Variants in PATJ observed in about 807,000 individuals in gnomAD.
PATJ encodes inaD-like protein.
Under a neutral mutation model 224.9 loss-of-function variants are expected in PATJ, and 190 were observed. The ratio of observed to expected loss-of-function variants is 0.84; its 90% CI spans 0.75 to 0.95. The LOEUF is 0.95. PATJ is among the 40% of genes least tolerant of loss of function. The pLI is 0.00. For missense variants in PATJ, 2,121 were observed against 2,270.3 expected (o/e 0.93, Z 1.34); for synonymous variants, 769 against 820.3 (o/e 0.94, Z 1.07).
intron 14 of PATJ, among the ~76,000 whole-genome samples, chr1:61,817,167 G>A (rs543178359): frequency 1.3e-5 from 2 of 152,248 alleles, no homozygotes; most frequent in South Asian, 2.1e-4. Context: ...CATAGGTAGG[G>A]GGAGAAAGCC....
intron 13 of PATJ, among the ~76,000 whole-genome samples, chr1:61,805,930 A>G (rs1048387885): frequency 2.6e-5 from 4 of 152,244 alleles, no homozygotes; most frequent in Admixed American, 2.0e-4. Flanking sequence ...TATTAGTCCT[A>G]TGTTTCACAA....
intron 24 of PATJ, among the ~76,000 whole-genome samples, chr1:61,902,610 T>G (rs1055109270): frequency 6.6e-6 from 1 of 152,214 alleles, no homozygotes; most frequent in African/African-American, 2.4e-5. Context: ...TGTTGAGTTA[T>G]ATTTGTGCTG....
intron 40 of PATJ, among the ~76,000 whole-genome samples, 191 bp from the exon 41 acceptor site, chr1:62,128,650 C>G (rs531194096): frequency 6.6e-6 from 1 of 152,310 alleles, no homozygotes; most frequent in South Asian, 2.1e-4. Context: ...CTTCTTGTTG[C>G]TCTGATTTGT....
chr1:62,051,759 A>C (rs926178269), intron 31 of PATJ, among the ~76,000 whole-genome samples: 1 of 152,232 alleles, frequency 6.6e-6, no homozygotes, highest in Non-Finnish European at 1.5e-5. Flanking sequence ...ACTTAAACTT[A>C]TCCAGGGGCT....
intron 21 of PATJ, among the ~76,000 whole-genome samples, chr1:61,883,890 T>C (rs927593205): frequency 6.7e-6 from 1 of 150,294 alleles, no homozygotes; most frequent in Non-Finnish European, 1.5e-5. Context: ...ATCAGTGAAA[T>C]GTCAGAGTAC....
chr1:61,980,288 A>G (rs1272619195), intron 27 of PATJ, among the ~76,000 whole-genome samples: 1 of 152,072 alleles, frequency 6.6e-6, no homozygotes, highest in Non-Finnish European at 1.5e-5. Flanking sequence ...CTGTGTCAAA[A>G]AAAATAAAAA....
In PATJ at chr1:61,864,578, G is replaced by T. The variant is rs776123818; in HGVS notation, c.2780G>T (p.Gly927Val). ...TCCGAGTCTCAAGAGGCAAGAACCG[G>T]GAGGACTGTCTATTCCCAGGAGGCA... ...EPSESQEART[G>V]RTVYSQEAQP... is the part of the protein sequence containing the mutation. The change falls in exon 20 of 44, where the codon GGG becomes GTG. Residue 927 changes from glycine to valine, a missense_variant. Transcript: ENST00000642238. 6.2e-7 allele frequency: 1 copy of T among 1,610,616 alleles called. No individual in the cohort carries two copies. Among genetic ancestry groups the T allele is most frequent in the South Asian group, 1.1e-5 (1 of 91,076 alleles).
intron 28 of PATJ, among the ~76,000 whole-genome samples, chr1:61,992,141 G>A (rs1645103836): frequency 1.3e-5 from 2 of 148,498 alleles, no homozygotes; most frequent in South Asian, 4.3e-4. Context: ...TTTTGAGACG[G>A]AGTTTCACTC....
At chr1:62,152,893 C>A (rs1208811504) in intron 42 of PATJ, among the ~76,000 whole-genome samples, 1 of 152,004 alleles carries the variant, frequency 6.6e-6, no homozygotes, top group Non-Finnish European at 1.5e-5. Flanking sequence ...AATCCCAGCA[C>A]TTTGGGAGGT....
intron 1 of PATJ, among the ~76,000 whole-genome samples, chr1:61,757,080 C>CTTTTTTTTTTTT (rs55788991): frequency 2.3e-5 from 3 of 129,190 alleles, no homozygotes; most frequent in Non-Finnish European, 3.2e-5. Flanking sequence ...GTCACTTTTA[C>CTTTTTTTTTTTT]TTTTTTTTTT....
chr1:61,947,514 G>A (rs1199785790), intron 27 of PATJ, among the ~76,000 whole-genome samples: 1 of 152,140 alleles, frequency 6.6e-6, no homozygotes, highest in African/African-American at 2.4e-5. Flanking sequence ...CAAGGGATGT[G>A]AAGGACCTCT....
intron 8 of PATJ, among the ~76,000 whole-genome samples, chr1:61,788,317 C>T (rs904233166): frequency 4.6e-5 from 7 of 152,106 alleles, no homozygotes; most frequent in Admixed American, 1.3e-4. Flanking sequence ...CACTGGTAGC[C>T]ACAGGCTGGT....
chr1:61,763,006 A>T lies in PATJ; in HGVS notation c.23-7A>T. The T allele has an allele frequency of 6.2e-7, 1 of 1,604,090 alleles. No homozygotes were observed. The highest frequency in any genetic ancestry group is 1.1e-5 in the South Asian group (1 of 89,396). ...ACTATTACTCTACTTATTCATCTTGACCCAAGATAAACTGCAGGTGCTGCA... is the reference window on the plus strand; with the variant it reads ...ACTATTACTCTACTTATTCATCTTGTCCCAAGATAAACTGCAGGTGCTGCA... On this transcript the variant is annotated splice_region_variant and splice_polypyrimidine_tract_variant and intron_variant, in intron 2 of 43. Coordinates refer to ENST00000642238, the MANE Select transcript of PATJ (RefSeq NM_001350145.3).
intron 1 of PATJ, among the ~76,000 whole-genome samples, chr1:61,753,851 G>C (rs1159639141): frequency 1.3e-5 from 2 of 149,800 alleles, no homozygotes; most frequent in Non-Finnish European, 3.0e-5. Context: ...ATCAGATCAA[G>C]AGTTTAATAA....
chr1:61,960,997 A>G (rs1681195389), intron 27 of PATJ, among the ~76,000 whole-genome samples: 1 of 152,206 alleles, frequency 6.6e-6, no homozygotes, highest in South Asian at 2.1e-4. Context: ...GGAGACATAG[A>G]CAGGTTTATG....
Position 61,746,524 on chromosome 1 carries a change from C to T in PATJ, c.-36+3969C>T, listed in dbSNP as rs376089294. 2.6e-5 allele frequency among the ~76,000 whole-genome samples: 4 copies of T among 152,140 alleles called. No individual in the cohort carries two copies. The South Asian group carries it at 8.3e-4, about 32-fold the overall frequency. ...ACTGCTTCTGAGACTTAAAGCACCC[C>T]AACAGTATAATAAAAGACTGTAACA... On this transcript the variant is annotated intron_variant, in intron 1 of 43. Transcript: ENST00000642238.
intron 35 of PATJ, among the ~76,000 whole-genome samples, chr1:62,115,851 G>T (rs1664396337): frequency 6.6e-6 from 1 of 151,804 alleles, no homozygotes; most frequent in South Asian, 2.1e-4. Flanking sequence ...TTTGGGCCAA[G>T]TATTGTGCTG....
chr1:61,889,980 G>A (rs149360398), intron 22 of PATJ, among the ~76,000 whole-genome samples: 131 of 152,160 alleles, frequency 8.6e-4, no homozygotes, highest in African/African-American at 2.9e-3. Flanking sequence ...TCCTCATCTC[G>A]GTTATTTTTG....
chr1:61,955,913 T>G (rs932268811), intron 27 of PATJ, among the ~76,000 whole-genome samples: 1 of 152,234 alleles, frequency 6.6e-6, no homozygotes, highest in Non-Finnish European at 1.5e-5. Context: ...ATCCACTCAT[T>G]GGACAAAGAG....
Sources: allele counts gnomAD v4.1 joint callset (sites outside exome capture counted in the v4.1 genomes callset), GRCh38; gene constraint gnomAD v4.1.1; transcripts MANE v1.5; gene names NCBI Gene and HGNC (gene_info 2026-07-23, HGNC 2026-07-21).